Variants in SMC2 observed in about 807,000 individuals in gnomAD.
SMC2 encodes structural maintenance of chromosomes protein 2.
Under a neutral mutation model 142.6 loss-of-function variants are expected in SMC2, and 41 were observed. The ratio of observed to expected loss-of-function variants is 0.29; its 90% CI spans 0.22 to 0.37. The LOEUF (loss-of-function observed/expected upper bound fraction) is 0.37, where lower values mean the gene tolerates loss of function less well. Among genes scored for constraint, SMC2 ranks in the 10% least tolerant of loss-of-function variants. The pLI, the probability that SMC2 is intolerant of heterozygous loss-of-function variation, is 1.00. For missense variants in SMC2, 1,265 were observed against 1,373.7 expected (o/e 0.92, Z 1.25); for synonymous variants, 463 against 457.5 (o/e 1.01, Z -0.15).
intron 19 of SMC2, among the ~76,000 whole-genome samples, 157 bp downstream of exon 19, chr9:104,126,941 T>G (rs970506465): frequency 6.6e-5 from 10 of 152,340 alleles, no homozygotes; most frequent in African/African-American, 2.4e-4. Flanking sequence ...TTGCCAGTTT[T>G]GGGATCACAT....
chr9:104,096,126 C>G, intron 2 of SMC2, 22 bp from the exon 3 acceptor site: 3 of 1,606,032 alleles, frequency 1.9e-6, no homozygotes, highest in Non-Finnish European at 2.5e-6. Flanking sequence ...GTAATTGTTA[C>G]ACTTTTCATA....
intron 16 of SMC2, among the ~76,000 whole-genome samples, chr9:104,121,075 A>AACACACGAAAGAGTGAGTGAAC (rs1554703698): frequency 1.3e-4 from 20 of 152,046 alleles, no homozygotes; most frequent in African/African-American, 4.8e-4. Flanking sequence ...TTGTTGAGTA[A>AACACACGAAAGAGTGAGTGAAC]ACACACGAAA....
At chr9:104,121,770 A>T (rs558504681) in intron 16 of SMC2, among the ~76,000 whole-genome samples, 1 of 152,252 alleles carries the variant, frequency 6.6e-6, no homozygotes, top group Non-Finnish European at 1.5e-5. Context: ...AGAGATATAA[A>T]TTGAATCAGA....
intron 23 of SMC2, among the ~76,000 whole-genome samples, chr9:104,137,412 A>G (rs1193761632): frequency 6.6e-6 from 1 of 152,272 alleles, no homozygotes; most frequent in Non-Finnish European, 1.5e-5. Context: ...GTGCTGTGGA[A>G]CCTGAGATTA....
In SMC2 at chr9:104,102,045, T is replaced by G; in HGVS notation, c.722T>G (p.Leu241Arg). Reference protein sequence around the residue: ...SRLYIAYQFLLAEDTKVRSAE... With the variant: ...SRLYIAYQFLRAEDTKVRSAE... The stretch of plus-strand genomic sequence containing the variant: ...TTATATATTGCTTATCAGTTTTTGC[T>G]GGCTGAAGATACCAAAGTACGCTCA... The change falls in exon 8 of 25, where the codon CTG (leucine) becomes CGG (arginine). Residue 241 changes from leucine (L) to arginine (R), a missense_variant. By Grantham distance (102) the Leu-to-Arg change is moderately radical. Transcript: ENST00000374793. 1 of 1,613,074 alleles carries G rather than the reference T, an allele frequency of 6.2e-7. No homozygotes were observed. The highest frequency in any genetic ancestry group is 8.5e-7 in the Non-Finnish European group (1 of 1,179,324).
At chr9:104,112,090 G>T (rs1363029444) in intron 10 of SMC2, among the ~76,000 whole-genome samples, 1 of 152,176 alleles carries the variant, frequency 6.6e-6, no homozygotes, top group Non-Finnish European at 1.5e-5. Context: ...TTGCAGCATT[G>T]TGTGGAATTT....
chr9:104,108,039 A>G (rs538788523), intron 9 of SMC2, among the ~76,000 whole-genome samples: 54 of 152,244 alleles, frequency 3.5e-4, no homozygotes, highest in African/African-American at 1.2e-3. Context: ...AAGCAACCAA[A>G]CTATCAATAT....
chr9:104,124,047 C>A (rs574134385), intron 17 of SMC2, among the ~76,000 whole-genome samples: 1 of 152,158 alleles, frequency 6.6e-6, no homozygotes, highest in Non-Finnish European at 1.5e-5. Flanking sequence ...CTAACACTCA[C>A]AATATACATC....
At chr9:104,096,123 TTA>T in intron 2 of SMC2, 23 bp from the exon 3 acceptor site, 1 of 1,605,390 alleles carries the variant, frequency 6.2e-7, no homozygotes, top group Admixed American at 1.7e-5. Context: ...TTTGTAATTG[TTA>T]CACTTTTCAT....
chr9:104,109,863 T>A (rs1832231852), intron 9 of SMC2, among the ~76,000 whole-genome samples: 1 of 152,178 alleles, frequency 6.6e-6, no homozygotes, highest in Non-Finnish European at 1.5e-5. Context: ...AAAGTTAAAA[T>A]TTATCAAAAC....
intron 15 of SMC2, 69 bp downstream of exon 15, chr9:104,118,444 T>G (rs1371453386): frequency 7.5e-7 from 1 of 1,331,786 alleles, no homozygotes; most frequent in African/African-American, 1.5e-5. Context: ...TTTAAGTACA[T>G]TTTTAGCCCA....
At chr9:104,094,137 C>A (rs1830181736), upstream of SMC2, 3 of 373,578 alleles carry the variant, frequency 8.0e-6, no homozygotes, top group Non-Finnish European at 1.4e-5. Context: ...AGTGCCCAGG[C>A]CCCTGCCGGG....
At chr9:104,100,280 A>C in intron 6 of SMC2, 77 bp downstream of exon 6, 1 of 1,398,728 alleles carries the variant, frequency 7.1e-7, no homozygotes, top group Non-Finnish European at 9.8e-7. Flanking sequence ...AAGAGGGAAA[A>C]ATTTTTTTCC....
In SMC2 at chr9:104,134,310, A is replaced by T. The variant is rs1007730560; in HGVS notation, c.3109-105A>T. 13 of 711,252 alleles carry T rather than the reference A, an allele frequency of 1.8e-5. No individual in the cohort carries two copies. The South Asian group carries it at 3.8e-4, about 21-fold the overall frequency. The allele number at this position is 711,252 out of a possible 1,614,324, so 44.1% of individuals were successfully genotyped here. On this transcript the variant is annotated intron_variant, in intron 22 of 24. Coordinates refer to ENST00000374793, the MANE Select transcript of SMC2 (RefSeq NM_006444.3). Reference sequence around the variant, plus strand: ...CATAGTTTGTCAGCCCCTGAGTTAGAGTAATAGACAAAGTAGACCTGCTGT... The same window carrying T: ...CATAGTTTGTCAGCCCCTGAGTTAGTGTAATAGACAAAGTAGACCTGCTGT...
chr9:104,096,020 C>A, intron 2 of SMC2, 128 bp from the exon 3 acceptor site: 1 of 746,474 alleles, frequency 1.3e-6, no homozygotes, highest in South Asian at 2.1e-5. Flanking sequence ...GAGGATGCAG[C>A]TGCCTAACCT....
intron 3 of SMC2, 100 bp downstream of exon 3, chr9:104,096,397 G>T: frequency 8.9e-7 from 1 of 1,122,536 alleles, no homozygotes; most frequent in South Asian, 1.5e-5. Flanking sequence ...AAGTTCATGA[G>T]CAAAATTGGT....
At chr9:104,094,639 A>T in intron 1 of SMC2, 162 bp downstream of exon 1, 1 of 374,986 alleles carries the variant, frequency 2.7e-6, no homozygotes, top group Non-Finnish European at 4.7e-6. Context: ...CTTCTGTTCG[A>T]CCTTGGAGTA....
the SMC2 span, among the ~76,000 whole-genome samples, chr9:104,088,663 A>C: frequency 1.3e-5 from 2 of 152,108 alleles, no homozygotes; most frequent in East Asian, 3.9e-4. Flanking sequence ...CTCATACTAA[A>C]TCTTGCTACT....
At chr9:104,094,154 C>T (rs140512062), upstream of SMC2, 180 of 383,230 alleles carry the variant, frequency 4.7e-4, no homozygotes, top group African/African-American at 3.5e-3. Flanking sequence ...CGGGGAGTCC[C>T]CGGAGCTACC....
Sources: gnomAD v4.1 joint callset for allele counts (sites outside exome capture counted in the v4.1 genomes callset) on GRCh38, gnomAD v4.1.1 for gene constraint, MANE v1.5 for transcripts, NCBI Gene and HGNC (gene_info 2026-07-23, HGNC 2026-07-21) for gene names.